GLT1D1: variants seen among roughly 807,000 people sequenced by gnomAD.
GLT1D1 encodes the protein glycosyltransferase 1 domain-containing protein 1.
A neutral mutation model predicts 28.7 loss-of-function variants in GLT1D1; 21 were observed. That is an observed-to-expected ratio of 0.73 (90% CI 0.52 to 1.05). The LOEUF (loss-of-function observed/expected upper bound fraction) is 1.05, where lower values mean the gene tolerates loss of function less well. GLT1D1 is among the 50% of genes least tolerant of loss of function. The pLI is 0.00. For missense variants in GLT1D1, 343 were observed against 330.6 expected (o/e 1.04, Z -0.29); for synonymous variants, 147 against 124.8 (o/e 1.18, Z -1.19).
intron 4 of GLT1D1, among the ~76,000 whole-genome samples, chr12:128,910,444 T>G (rs564850766): frequency 2.6e-5 from 4 of 152,238 alleles, no homozygotes; most frequent in African/African-American, 9.6e-5. Context: ...GTCAAACACT[T>G]ATATTAAGTT....
At chr12:128,859,123 G>T (rs1566078100) in intron 1 of GLT1D1, among the ~76,000 whole-genome samples, 1 of 152,210 alleles carries the variant, frequency 6.6e-6, no homozygotes, top group Non-Finnish European at 1.5e-5. Flanking sequence ...CCTCCTGAGG[G>T]CTGTGTCACA....
intron 4 of GLT1D1, among the ~76,000 whole-genome samples, chr12:128,934,011 C>T (rs1182194414): frequency 6.6e-6 from 1 of 152,084 alleles, no homozygotes; most frequent in Non-Finnish European, 1.5e-5. Context: ...CACCACTATT[C>T]GTGACATCCG....
At chr12:128,880,648 T>A (rs567801237) in intron 2 of GLT1D1, among the ~76,000 whole-genome samples, 153 of 152,348 alleles carry the variant, frequency 1.0e-3, no homozygotes, top group Non-Finnish European at 1.9e-3. Flanking sequence ...ACTGGCTGTG[T>A]GATATTTCAT....
At chr12:128,933,284 C>T (rs1267031229) in intron 4 of GLT1D1, among the ~76,000 whole-genome samples, 1 of 152,276 alleles carries the variant, frequency 6.6e-6, no homozygotes, top group African/African-American at 2.4e-5. Flanking sequence ...GCAGGCGGCG[C>T]CCGTGCGCAG....
Position 128,981,214 on chromosome 12 carries a change from G to A in GLT1D1, c.640-1715G>A, listed in dbSNP as rs1001349095. ...GCTTTATTTAAGTCTATGTTTTTTC[G>A]TTCACTTTTCCATGCGGAGAGAAAA... On this transcript the variant is annotated intron_variant, in intron 7 of 7. Coordinates refer to ENST00000281703, the MANE Select transcript of GLT1D1 (RefSeq NM_144669.3). Among the ~76,000 whole-genome samples, 9 of 151,970 alleles carry A rather than the reference G, an allele frequency of 5.9e-5. No homozygotes were observed. In the East Asian group the frequency reaches 7.7e-4, roughly 13 times the overall value.
chr12:128,927,087 TTC>T lies in GLT1D1; in HGVS notation c.376-18237_376-18236del. Reference sequence around the variant, plus strand: ...AACCCATTTGAAGTGTTTTTTTGTCTTCTTTTTTCTTCCCAAGCCTGGCATCA... The same window carrying T: ...AACCCATTTGAAGTGTTTTTTTGTCTTTTTTTCTTCCCAAGCCTGGCATCA... On this transcript the variant is annotated intron_variant, in intron 4 of 7. Transcript: ENST00000281703. 1 of 1,533,994 alleles carries T rather than the reference TTC, an allele frequency of 6.5e-7. No homozygotes were observed. The highest frequency in any genetic ancestry group is 8.7e-7 in the Non-Finnish European group (1 of 1,144,990).
intron 4 of GLT1D1, among the ~76,000 whole-genome samples, chr12:128,910,911 G>A (rs1256693886): frequency 2.0e-5 from 3 of 151,944 alleles, no homozygotes; most frequent in Non-Finnish European, 2.9e-5. Context: ...ACCGAGCCTC[G>A]TGTGTACCCA....
chr12:128,964,764 G>A (rs987989089), intron 7 of GLT1D1, among the ~76,000 whole-genome samples: 2 of 152,178 alleles, frequency 1.3e-5, no homozygotes, highest in African/African-American at 2.4e-5. Context: ...GACCACTGGC[G>A]AGAAGCCTGC....
Position 128,983,168 on chromosome 12 carries a change from T to C in GLT1D1, c.*78T>C. 2 of 1,335,452 alleles carry C rather than the reference T, an allele frequency of 1.5e-6. No homozygotes were observed. Among genetic ancestry groups the C allele is most frequent in the South Asian group, 2.5e-5 (2 of 80,954 alleles). 82.7% of individuals were successfully genotyped at this position (1,335,452 alleles called of 1,614,324 possible). ...CTCAGAGACAGAGTTCTGGATCACG[T>C]GGGCCCAGTGCAGTTCAAATAAAAC... On this transcript the variant is annotated 3_prime_UTR_variant, in exon 8 of 8. Coordinates refer to ENST00000281703, the MANE Select transcript of GLT1D1 (RefSeq NM_144669.3). This position sits in a 1 kb window ranked among gnomAD's most constrained non-coding sequence, Gnocchi z 4.7.
At chr12:128,928,849 C>T (rs746630209) in intron 4 of GLT1D1, among the ~76,000 whole-genome samples, 3 of 151,988 alleles carry the variant, frequency 2.0e-5, no homozygotes, top group African/African-American at 4.8e-5. Context: ...CTCAAACTCC[C>T]GACCTCAGGT....
chr12:128,922,242 A>G (rs1966125), intron 4 of GLT1D1, among the ~76,000 whole-genome samples: 85,952 of 151,248 alleles, frequency 0.57, 25,864 homozygotes, highest in Non-Finnish European at 0.69. Flanking sequence ...CCCTAGTTAA[A>G]CTGGTATTCC....
At chr12:128,928,850 G>A (rs1452447004) in intron 4 of GLT1D1, among the ~76,000 whole-genome samples, 1 of 152,054 alleles carries the variant, frequency 6.6e-6, no homozygotes, top group East Asian at 1.9e-4. Context: ...TCAAACTCCC[G>A]ACCTCAGGTG....
In GLT1D1 at chr12:128,923,572, G is replaced by GACCC. The variant is rs548182868; in HGVS notation, c.376-21753_376-21752insCCCA. Among the ~76,000 whole-genome samples the GACCC allele has an allele frequency of 4.6e-5, 7 of 151,292 alleles. No individual in the cohort carries two copies. The South Asian group carries it at 1.5e-3, about 32-fold the overall frequency. The stretch of plus-strand genomic sequence containing the variant: ...AGTCTCACTCTGTTACCCAGGCTGG[G>GACCC]AGTGCAGTGCACCATCTCTGCTTAC... On this transcript the variant is annotated intron_variant, in intron 4 of 7. Coordinates refer to ENST00000281703, the MANE Select transcript of GLT1D1 (RefSeq NM_144669.3).
chr12:128,945,743 G>C (rs1875983869), intron 5 of GLT1D1, among the ~76,000 whole-genome samples: 1 of 152,180 alleles, frequency 6.6e-6, no homozygotes, highest in Non-Finnish European at 1.5e-5. Context: ...GGCTTGAACA[G>C]ATTGAACTTT....
intron 1 of GLT1D1, among the ~76,000 whole-genome samples, chr12:128,866,009 T>C (rs1411385563): frequency 6.6e-6 from 1 of 151,996 alleles, no homozygotes. Context: ...CCATTTTATA[T>C]CTGGGACTTA....
At chr12:128,975,979 G>A (rs575780) in intron 7 of GLT1D1, among the ~76,000 whole-genome samples, 69,637 of 151,980 alleles carry the variant, frequency 0.46, 16,244 homozygotes, top group African/African-American at 0.52. Context: ...ACGTACGCTG[G>A]CAGTCGGGGT....
intron 3 of GLT1D1, among the ~76,000 whole-genome samples, chr12:128,895,850 C>A (rs1296302273): frequency 6.6e-6 from 1 of 152,084 alleles, no homozygotes; most frequent in Non-Finnish European, 1.5e-5. Flanking sequence ...AGTCTTGGAG[C>A]AGCCCATTTT....
At chr12:128,944,441 T>C in intron 4 of GLT1D1, 1 of 1,342,528 alleles carries the variant, frequency 7.4e-7, no homozygotes. Flanking sequence ...TTTAGTCTCT[T>C]GATAACCATC....
rs187890876 is a variant in GLT1D1 at position 128,862,374 on chromosome 12, T to C, written c.68+8725T>C. Among the ~76,000 whole-genome samples the C allele has an allele frequency of 4.9e-3, 726 of 147,386 alleles. 3 individuals carry two copies. Among genetic ancestry groups the C allele is most frequent in the African/African-American group, 0.017 (691 of 39,820 alleles). On this transcript the variant is annotated intron_variant, in intron 1 of 7. Transcript: ENST00000281703. Reference sequence around the variant, plus strand: ...CACAAAGATAGCCATTGAAAGTTGTTGCTGGGCGCTGTGGCTCACTCTTGT... The same window carrying C: ...CACAAAGATAGCCATTGAAAGTTGTCGCTGGGCGCTGTGGCTCACTCTTGT...
Sources: allele counts gnomAD v4.1 joint callset (sites outside exome capture counted in the v4.1 genomes callset), GRCh38; gene constraint gnomAD v4.1.1; non-coding constraint Gnocchi (gnomAD v3.1); transcripts MANE v1.5; gene names NCBI Gene and HGNC (gene_info 2026-07-23, HGNC 2026-07-21).